Variants in CUX1 observed in about 807,000 individuals in gnomAD.
CUX1 encodes the protein cut like homeobox 1, also known as protein CASP.
Under a neutral mutation model 158.8 loss-of-function variants are expected in CUX1, and 31 were observed. The observed-to-expected ratio is 0.20, with a 90% CI of 0.15 to 0.26. The LOEUF is 0.26. CUX1 is among the 10% of genes least tolerant of loss of function. The pLI, the probability that CUX1 is intolerant of heterozygous loss-of-function variation, is 1.00. For missense variants in CUX1, 1,589 were observed against 2,014.6 expected, an observed-to-expected ratio of 0.79 and a Z score of 4.04; for synonymous variants, 879 against 862.1, an observed-to-expected ratio of 1.02 and a Z score of -0.34.
In CUX1 at chr7:102,254,695, C is replaced by T; in HGVS notation, c.*5653C>T. The T allele has an allele frequency of 1.0e-6, 1 of 985,516 alleles. No individual in the cohort carries two copies. Among genetic ancestry groups the T allele is most frequent in the Non-Finnish European group, 1.2e-6 (1 of 829,978 alleles). 61.0% of individuals were successfully genotyped at this position (985,516 alleles called of 1,614,324 possible). ...CAGTGCTTCTGTGGTTTCACCTGGGCATCGACGACATTAGGGAAGCCTTTG... is the reference window on the plus strand; with the variant it reads ...CAGTGCTTCTGTGGTTTCACCTGGGTATCGACGACATTAGGGAAGCCTTTG... On this transcript the variant is annotated 3_prime_UTR_variant, in exon 24 of 24. Coordinates refer to ENST00000292535, the MANE Select transcript of CUX1 (RefSeq NM_181552.4).
intron 8 of CUX1, among the ~76,000 whole-genome samples, chr7:102,125,940 C>T (rs1832590911): frequency 6.6e-6 from 1 of 151,758 alleles, no homozygotes; most frequent in Non-Finnish European, 1.5e-5. Context: ...GCAATCTTCC[C>T]ACCTCAGCCA....
intron 2 of CUX1, among the ~76,000 whole-genome samples, chr7:101,925,411 A>G (rs62463738): frequency 0.15 from 23,305 of 152,152 alleles, 2,053 homozygotes; most frequent in Middle Eastern, 0.25. Context: ...GTGCCTGGCC[A>G]AAAGTAGATT....
chr7:102,105,474 A>G (rs375118689), intron 6 of CUX1, among the ~76,000 whole-genome samples: 11 of 134,570 alleles, frequency 8.2e-5, no homozygotes, highest in African/African-American at 1.9e-4. Context: ...AATAAGGACT[A>G]TTGAGCTTAC....
intron 2 of CUX1, among the ~76,000 whole-genome samples, chr7:101,985,373 G>A (rs1027487895): frequency 3.3e-5 from 5 of 152,184 alleles, no homozygotes; most frequent in Non-Finnish European, 5.9e-5. Context: ...CTGGGGAAAT[G>A]TAGCTAGCCT....
intron 1 of CUX1, among the ~76,000 whole-genome samples, chr7:101,846,304 C>A (rs1795680561): frequency 6.6e-6 from 1 of 152,034 alleles, no homozygotes; most frequent in Non-Finnish European, 1.5e-5. Context: ...CTTTTCCAAG[C>A]CGCTTTTAAA....
chr7:102,223,161 A>G (rs956309059), intron 20 of CUX1, among the ~76,000 whole-genome samples: 5 of 151,696 alleles, frequency 3.3e-5, no homozygotes, highest in African/African-American at 4.8e-5. Flanking sequence ...AGTGGCTCAC[A>G]CCTGTAATTC....
chr7:101,861,974 A>G (rs1270273243), intron 1 of CUX1, among the ~76,000 whole-genome samples: 1 of 152,076 alleles, frequency 6.6e-6, no homozygotes, highest in Non-Finnish European at 1.5e-5. Flanking sequence ...AGCTGGGATT[A>G]CAGGCGCCTG....
chr7:102,246,573 T>TG (rs1421966262), intron 23 of CUX1, among the ~76,000 whole-genome samples: 19 of 43,898 alleles, frequency 4.3e-4, no homozygotes, highest in Non-Finnish European at 9.9e-4. Context: ...AGAAAACCTT[T>TG]GTTTTTTTTT....
At chr7:102,216,643 A>C (rs547629988) in intron 20 of CUX1, among the ~76,000 whole-genome samples, 4 of 87,300 alleles carry the variant, frequency 4.6e-5, no homozygotes, top group Non-Finnish European at 9.2e-5. Flanking sequence ...CCACACACGC[A>C]CACACACACA....
chr7:101,827,165 G>A (rs1283890157), intron 1 of CUX1, among the ~76,000 whole-genome samples: 1 of 151,884 alleles, frequency 6.6e-6, no homozygotes, highest in Non-Finnish European at 1.5e-5. Flanking sequence ...GGGGATTAGG[G>A]GCTGATCCCT....
At chr7:101,986,217 A>T (rs1179698811) in intron 2 of CUX1, among the ~76,000 whole-genome samples, 1 of 152,224 alleles carries the variant, frequency 6.6e-6, no homozygotes, top group Non-Finnish European at 1.5e-5. Context: ...GTAACGAGGC[A>T]CTGGGGTCGG....
At chr7:101,835,644 T>A (rs1041850727) in intron 1 of CUX1, among the ~76,000 whole-genome samples, 5 of 152,216 alleles carry the variant, frequency 3.3e-5, no homozygotes, top group African/African-American at 1.2e-4. Context: ...ATGCAATTCA[T>A]AATAATCACA....
At chr7:101,981,644 G>A (rs1332129878) in intron 2 of CUX1, among the ~76,000 whole-genome samples, 3 of 151,112 alleles carry the variant, frequency 2.0e-5, no homozygotes, top group South Asian at 2.1e-4. Context: ...ACGGAGTCTC[G>A]CTCTGTCGCC....
intron 2 of CUX1, among the ~76,000 whole-genome samples, chr7:101,991,385 T>G (rs909511323): frequency 3.3e-5 from 5 of 152,226 alleles, no homozygotes; most frequent in Non-Finnish European, 7.3e-5. Context: ...CTCTGTTTTG[T>G]TGACCAACTT....
intron 8 of CUX1, among the ~76,000 whole-genome samples, chr7:102,118,193 C>A (rs1203487137): frequency 6.6e-6 from 1 of 152,236 alleles, no homozygotes; most frequent in Non-Finnish European, 1.5e-5. Flanking sequence ...AATCTTTTCA[C>A]ATATGGTCTT....
chr7:102,075,854 T>C (rs995498275), intron 4 of CUX1, among the ~76,000 whole-genome samples: 6 of 152,136 alleles, frequency 3.9e-5, no homozygotes, highest in Non-Finnish European at 8.8e-5. Context: ...GCATTCGGAG[T>C]TGCCCAAACC....
chr7:101,837,557 A>T (rs1289660898), intron 1 of CUX1, among the ~76,000 whole-genome samples: 2 of 152,044 alleles, frequency 1.3e-5, no homozygotes, highest in Non-Finnish European at 1.5e-5. Context: ...GGCTGGGTGG[A>T]GTGGCTCATG....
chr7:102,202,284 G>A (rs1207281957), intron 18 of CUX1, 80 bp downstream of exon 18: 13 of 1,508,898 alleles, frequency 8.6e-6, no homozygotes, highest in Non-Finnish European at 1.1e-5. Flanking sequence ...CGCAGCCTGT[G>A]ACCCTCACCC....
At chr7:102,204,192 G>C (rs1196111922) in intron 18 of CUX1, among the ~76,000 whole-genome samples, 199 bp from the exon 19 acceptor site, 1 of 152,196 alleles carries the variant, frequency 6.6e-6, no homozygotes, top group Non-Finnish European at 1.5e-5. Flanking sequence ...AAGTCCCCCT[G>C]TGCCGGGGTC....
Sources: allele counts gnomAD v4.1 joint callset (sites outside exome capture counted in the v4.1 genomes callset), GRCh38; gene constraint gnomAD v4.1.1; transcripts MANE v1.5; gene names NCBI Gene and HGNC (gene_info 2026-07-23, HGNC 2026-07-21).